Variants in DPP6 observed in about 807,000 individuals in gnomAD.
DPP6 encodes the protein A-type potassium channel modulatory protein DPP6.
Under a neutral mutation model 122.6 loss-of-function variants are expected in DPP6, and 69 were observed. The observed-to-expected ratio is 0.56, with a 90% confidence interval of 0.46 to 0.69. DPP6 has a LOEUF of 0.69. Ranked by LOEUF, DPP6 falls within the 30% of genes least tolerant of loss-of-function variation. The pLI is 0.00. For synonymous variants in DPP6, 418 were observed against 433.1 expected (o/e 0.97, Z 0.43); for missense variants, 928 against 1,116.9 (o/e 0.83, Z 2.41).
At chr7:154,505,842 C>T (rs1237363040) in intron 3 of DPP6, among the ~76,000 whole-genome samples, 1 of 152,162 alleles carries the variant, frequency 6.6e-6, no homozygotes, top group African/African-American at 2.4e-5. Context: ...TCTTTCTATA[C>T]TGTGCTCTTT....
chr7:154,260,127 A>C (rs1802898843), intron 1 of DPP6, among the ~76,000 whole-genome samples: 1 of 152,076 alleles, frequency 6.6e-6, no homozygotes, highest in African/African-American at 2.4e-5. Context: ...AATGGATGGA[A>C]AAATCTGACA....
At chr7:154,492,594 A>G (rs1300202887) in intron 3 of DPP6, among the ~76,000 whole-genome samples, 1 of 152,136 alleles carries the variant, frequency 6.6e-6, no homozygotes, top group Non-Finnish European at 1.5e-5. Flanking sequence ...TTATGAGTAC[A>G]TCAGCTCATT....
chr7:154,031,477 A>G (rs1261809482), intron 1 of DPP6, among the ~76,000 whole-genome samples: 3 of 152,004 alleles, frequency 2.0e-5, no homozygotes, highest in African/African-American at 7.3e-5. Context: ...TAGTTTTGGC[A>G]TTACCTGTGA....
At chr7:154,313,712 T>TATATATATATATATATGA in intron 1 of DPP6, among the ~76,000 whole-genome samples, 1 of 24,926 alleles carries the variant, frequency 4.0e-5, no homozygotes, top group East Asian at 1.0e-3. Flanking sequence ...TATATATATA[T>TATATATATATATATATGA]ATACACACAC....
intron 1 of DPP6, among the ~76,000 whole-genome samples, chr7:154,117,281 C>G (rs532119342): frequency 6.6e-6 from 1 of 152,292 alleles, no homozygotes; most frequent in African/African-American, 2.4e-5. Context: ...GTACAAGACA[C>G]TCTGCCTTTA....
intron 1 of DPP6, among the ~76,000 whole-genome samples, chr7:154,377,820 C>T (rs367949230): frequency 1.6e-4 from 24 of 152,336 alleles, no homozygotes; most frequent in African/African-American, 5.3e-4. Context: ...TGGGCTGATA[C>T]AATCACTATT....
chr7:154,700,204 T>A, intron 7 of DPP6, among the ~76,000 whole-genome samples: 1 of 152,260 alleles, frequency 6.6e-6, no homozygotes, highest in East Asian at 1.9e-4. Context: ...GTTACTATTT[T>A]TGGATTCATT....
At position 154,765,741 on chromosome 7, in the gene DPP6, C is replaced by A. The variant is rs374284860; in HGVS notation, c.884-3676C>A. Among the ~76,000 whole-genome samples the A allele has an allele frequency of 2.7e-4, 41 of 152,248 alleles. No homozygotes were observed. In the East Asian group the frequency reaches 4.8e-3, roughly 18 times the overall value. On this transcript the variant is annotated intron_variant, in intron 8 of 25. Transcript: ENST00000377770. ...CTTTCTTTTCTGATGCTAAAATAGC[C>A]CCCCAGCAGGACAGGGAAGGTGAAG...
intron 1 of DPP6, among the ~76,000 whole-genome samples, chr7:154,370,885 C>T (rs539741857): frequency 6.6e-6 from 1 of 152,290 alleles, no homozygotes; most frequent in East Asian, 1.9e-4. Context: ...TACTTAGGCA[C>T]AGCTAGTTTC....
At chr7:154,065,181 G>A (rs1280786229) in intron 1 of DPP6, among the ~76,000 whole-genome samples, 1 of 152,094 alleles carries the variant, frequency 6.6e-6, no homozygotes, top group Non-Finnish European at 1.5e-5. Context: ...ATGAGCAGCA[G>A]CTGGAAGGAC....
At chr7:154,495,578 C>T (rs763944770) in intron 3 of DPP6, among the ~76,000 whole-genome samples, 2 of 152,062 alleles carry the variant, frequency 1.3e-5, no homozygotes, top group Non-Finnish European at 2.9e-5. Flanking sequence ...TTAGTAGACA[C>T]TGGATTTCCC....
chr7:154,511,953 A>G (rs1013260621), intron 3 of DPP6, among the ~76,000 whole-genome samples: 8 of 152,206 alleles, frequency 5.3e-5, no homozygotes, highest in Admixed American at 5.2e-4. Flanking sequence ...CTGGACTAAC[A>G]TTTGCCATAA....
chr7:154,675,588 C>T (rs910362687), intron 7 of DPP6, among the ~76,000 whole-genome samples: 5 of 152,172 alleles, frequency 3.3e-5, no homozygotes, highest in African/African-American at 1.2e-4. Context: ...CTTATGCACT[C>T]GTTTGTTTAC....
intron 21 of DPP6, chr7:154,884,488 C>G (rs941200326): frequency 2.7e-5 from 4 of 148,994 alleles, no homozygotes; most frequent in Admixed American, 6.6e-5. Context: ...GACACATGCT[C>G]ACACACACGA....
chr7:154,795,808 A>C, intron 11 of DPP6, 37 bp from the exon 12 acceptor site: 1 of 1,554,628 alleles, frequency 6.4e-7, no homozygotes, highest in Non-Finnish European at 8.7e-7. Flanking sequence ...AAAAGAAAAG[A>C]AAAACCCTCT....
intron 1 of DPP6, among the ~76,000 whole-genome samples, chr7:154,196,409 G>T (rs1419674244): frequency 6.6e-6 from 1 of 152,202 alleles, no homozygotes; most frequent in Non-Finnish European, 1.5e-5. Context: ...AGAATCCCTT[G>T]AACCCAGGAG....
At chr7:154,257,000 T>TCTTCTTC (rs1554502559) in intron 1 of DPP6, among the ~76,000 whole-genome samples, 122 of 133,946 alleles carry the variant, frequency 9.1e-4, no homozygotes, top group African/African-American at 3.0e-3. Flanking sequence ...TTCTTCTTCT[T>TCTTCTTC]TTTTTTTTTT....
intron 1 of DPP6, among the ~76,000 whole-genome samples, chr7:154,190,104 G>A (rs1585589737): frequency 1.3e-5 from 2 of 152,166 alleles, no homozygotes; most frequent in Non-Finnish European, 2.9e-5. Context: ...TTGATATGGA[G>A]GGATAAAGAA....
chr7:153,846,851 C>A, the DPP6 span, among the ~76,000 whole-genome samples: 1 of 152,032 alleles, frequency 6.6e-6, no homozygotes, highest in Non-Finnish European at 1.5e-5. Context: ...TGCCACCACG[C>A]CTGGCTAATT....
Sources: allele counts gnomAD v4.1 joint callset (sites outside exome capture counted in the v4.1 genomes callset), GRCh38; gene constraint gnomAD v4.1.1; transcripts MANE v1.5; gene names NCBI Gene and HGNC (gene_info 2026-07-23, HGNC 2026-07-21).